UFSP2: variants seen among roughly 807,000 people sequenced by gnomAD.
UFSP2 encodes ufm1-specific protease 2.
In UFSP2, 43 loss-of-function variants were observed where a neutral mutation model predicts 60.2. That is an observed-to-expected ratio of 0.71 (90% confidence interval 0.56 to 0.92). The LOEUF (loss-of-function observed/expected upper bound fraction) is 0.92. UFSP2 is among the 40% of genes least tolerant of loss of function. The pLI is 0.00. For synonymous variants in UFSP2, 183 were observed against 195.1 expected, an observed-to-expected ratio of 0.94 and a Z score of 0.52; for missense variants, 520 against 575.0, an observed-to-expected ratio of 0.90 and a Z score of 0.98.
At chr4:185,415,081 G>A in intron 6 of UFSP2, 74 bp downstream of exon 6, 1 of 1,259,252 alleles carries the variant, frequency 7.9e-7, no homozygotes, top group Non-Finnish European at 1.1e-6. Flanking sequence ...TCCATTTAGT[G>A]GAAATATATA....
At position 185,400,308 on chromosome 4, in the gene UFSP2, A is replaced by G. The variant is rs575214617; in HGVS notation, c.*84T>C. 191 of 1,129,516 alleles carry G rather than the reference A, an allele frequency of 1.7e-4. 4 individuals carry two copies. Among genetic ancestry groups the G allele is most frequent in the South Asian group, 1.2e-3 (82 of 69,874 alleles). 70.0% of individuals were successfully genotyped at this position (1,129,516 alleles called of 1,614,324 possible). On this transcript the variant is annotated 3_prime_UTR_variant, in exon 12 of 12. Transcript: ENST00000264689. ...TAATTTAAATCGTCAAACTAGAACC[A>G]GGATTTAATGTGAAAAATTAAACTG...
intron 2 of UFSP2, among the ~76,000 whole-genome samples, chr4:185,420,804 G>A (rs183469846): frequency 6.6e-6 from 1 of 152,266 alleles, no homozygotes; most frequent in East Asian, 1.9e-4. Flanking sequence ...TGTTGACAGA[G>A]TTTGATAAAG....
At chr4:185,425,799 C>G in intron 1 of UFSP2, 67 bp downstream of exon 1, 2 of 1,574,022 alleles carry the variant, frequency 1.3e-6, no homozygotes, top group African/African-American at 1.3e-5. Context: ...CGCTGTGAAG[C>G]CCGCTCGTGG....
At chr4:185,423,850 G>C (rs1001897059) in intron 1 of UFSP2, among the ~76,000 whole-genome samples, 2 of 152,062 alleles carry the variant, frequency 1.3e-5, no homozygotes, top group African/African-American at 4.8e-5. Flanking sequence ...GACAGGAAGG[G>C]AGAAAGAGAG....
Position 185,400,008 on chromosome 4 carries a change from T to A in UFSP2, c.*384A>T. 6.2e-7 allele frequency: 1 copy of A among 1,602,226 alleles called. No homozygotes were observed. The highest frequency in any genetic ancestry group is 8.5e-7 in the Non-Finnish European group (1 of 1,176,980). On this transcript the variant is annotated 3_prime_UTR_variant, in exon 12 of 12. Transcript: ENST00000264689. Reference sequence around the variant, plus strand: ...AAAGTTTTTAATGTTAACGTGTTTTTAAAAACAGATGTCACGTGGGTTATG... The same window carrying A: ...AAAGTTTTTAATGTTAACGTGTTTTAAAAAACAGATGTCACGTGGGTTATG...
At chr4:185,408,535 T>C in intron 7 of UFSP2, 100 bp from the exon 8 acceptor site, 1 of 1,235,308 alleles carries the variant, frequency 8.1e-7, no homozygotes, top group Non-Finnish European at 1.1e-6. Flanking sequence ...AGAGTTAGAC[T>C]GTTACTTTAG....
chr4:185,401,060 C>T (rs1005474455), intron 11 of UFSP2, among the ~76,000 whole-genome samples: 1 of 152,162 alleles, frequency 6.6e-6, no homozygotes, highest in Non-Finnish European at 1.5e-5. Flanking sequence ...CAGATTTCTC[C>T]TAGGGCCACT....
chr4:185,402,260 G>A (rs1289855201), intron 11 of UFSP2: 1 of 453,616 alleles, frequency 2.2e-6, no homozygotes. Flanking sequence ...TGAACACCTT[G>A]CTACAGAACA....
intron 11 of UFSP2, 63 bp downstream of exon 11, chr4:185,403,431 T>C: frequency 6.3e-7 from 1 of 1,582,700 alleles, no homozygotes; most frequent in South Asian, 1.2e-5. Flanking sequence ...ACCAGCCAGT[T>C]TGTGATCCTT....
At position 185,399,751 on chromosome 4, in the gene UFSP2, A is replaced by G; in HGVS notation, c.*641T>C. On this transcript the variant is annotated 3_prime_UTR_variant, in exon 12 of 12. Transcript: ENST00000264689. ...ACGGAGTCTCGGAAGTGTAGAAAAT[A>G]CCAGTGGGAAAAGGAAGTGCTGGTA... 6.2e-7 allele frequency: 1 copy of G among 1,614,088 alleles called. No homozygotes were observed. Among genetic ancestry groups the G allele is most frequent in the South Asian group, 1.1e-5 (1 of 91,074 alleles).
rs757995240 is a variant in UFSP2 at position 185,407,951 on chromosome 4, T to C, written c.1106A>G (p.Lys369Arg). The C allele has an allele frequency of 1.1e-5, 17 of 1,613,708 alleles. No individual in the cohort carries two copies. In the Admixed American group the frequency reaches 2.8e-4, roughly 27 times the overall value. Residue 369 changes from lysine (K) to arginine (R), a missense_variant, in exon 9 of 12, where the codon AAA becomes AGA. By Grantham distance (26) the Lys-to-Arg change is conservative. Transcript: ENST00000264689. Reference protein sequence around the residue: ...VLNQLIGITSKILFVSQGSEI... With the variant: ...VLNQLIGITSRILFVSQGSEI... The stretch of plus-strand genomic sequence containing the variant: ...GTGTGCTTACCTGACAAACAGGATT[T>C]TTGACGTTATACCGATCAATTGGTT...
rs770253626 is a variant in UFSP2, at chr4:185,408,285, T to C, written c.982A>G (p.Arg328Gly). ...GYTERSIPTHREIQQALVDAG... is the reference protein window; with the variant it reads ...GYTERSIPTHGEIQQALVDAG... ...ATGTTCTGTACCTGCTGAATTTCTC[T>C]GTGTGTTGGAATGGACCTCTCTGTG... The change falls in exon 8 of 12, where the codon AGA (arginine) becomes GGA (glycine). Residue 328 changes from arginine (R) to glycine (G), a missense_variant. By Grantham distance (125) the Arg-to-Gly change is moderately radical (BLOSUM62 -2). Transcript: ENST00000264689. 1 of 1,614,146 alleles carries C rather than the reference T, an allele frequency of 6.2e-7. No individual in the cohort carries two copies. The highest frequency in any genetic ancestry group is 1.3e-5 in the African/African-American group (1 of 75,066).
intron 4 of UFSP2, among the ~76,000 whole-genome samples, 196 bp downstream of exon 4, chr4:185,418,245 G>C (rs2095542758): frequency 6.6e-6 from 1 of 152,046 alleles, no homozygotes; most frequent in Non-Finnish European, 1.5e-5. Context: ...AAACCCTTTT[G>C]AGATTATGTA....
At position 185,399,854 on chromosome 4, in the gene UFSP2, G is replaced by GAC. The variant is rs2095511103; in HGVS notation, c.*536_*537dup. On this transcript the variant is annotated 3_prime_UTR_variant, in exon 12 of 12. Transcript: ENST00000264689. The stretch of plus-strand genomic sequence containing the variant: ...AGCATTTATTATTCCATTTAATACT[G>GAC]ACACTCGTATTTCTAGTAGTATTGT... The GAC allele has an allele frequency of 1.0e-5, 16 of 1,577,890 alleles. No homozygotes were observed. The highest frequency in any genetic ancestry group is 1.4e-5 in the Non-Finnish European group (16 of 1,161,428).
At chr4:185,402,026 C>A (rs756315902) in intron 11 of UFSP2, among the ~76,000 whole-genome samples, 2 of 152,198 alleles carry the variant, frequency 1.3e-5, no homozygotes, top group Non-Finnish European at 2.9e-5. Context: ...ACGCACTGAT[C>A]TACCTGCAGT....
intron 7 of UFSP2, among the ~76,000 whole-genome samples, chr4:185,410,387 T>C (rs965353667): frequency 6.6e-6 from 1 of 152,092 alleles, no homozygotes; most frequent in African/African-American, 2.4e-5. Context: ...CGGTGGCTCA[T>C]GCCTGTAATC....
At chr4:185,417,542 T>G (rs568940706) in intron 4 of UFSP2, among the ~76,000 whole-genome samples, 5 of 152,192 alleles carry the variant, frequency 3.3e-5, no homozygotes, top group African/African-American at 1.2e-4. Context: ...TTTCCATAGC[T>G]AGTGGTTTAG....
intron 7 of UFSP2, 99 bp downstream of exon 7, chr4:185,413,627 T>A (rs1030637384): frequency 3.5e-6 from 4 of 1,132,458 alleles, no homozygotes; most frequent in Non-Finnish European, 5.0e-6. Context: ...GTTTTAGGAA[T>A]GAATACATAA....
chr4:185,425,841 G>C (rs1348083632), intron 1 of UFSP2, 25 bp downstream of exon 1: 28 of 1,601,806 alleles, frequency 1.7e-5, no homozygotes, highest in Non-Finnish European at 2.2e-5. Flanking sequence ...AAACACAGGG[G>C]TCGGTGACGA....
Sources: gnomAD v4.1 joint callset for allele counts (sites outside exome capture counted in the v4.1 genomes callset) on GRCh38, gnomAD v4.1.1 for gene constraint, MANE v1.5 for transcripts, NCBI Gene and HGNC (gene_info 2026-07-23, HGNC 2026-07-21) for gene names.